TTC7B: variants seen among roughly 807,000 people sequenced by gnomAD.
TTC7B encodes tetratricopeptide repeat protein 7B.
In TTC7B, 28 loss-of-function variants were observed where a neutral mutation model predicts 106.8. That is an observed-to-expected ratio of 0.26 (90% CI 0.19 to 0.36). The LOEUF (loss-of-function observed/expected upper bound fraction) is 0.36, where lower values mean the gene tolerates loss of function less well. Ranked by LOEUF, TTC7B falls within the 10% of genes least tolerant of loss-of-function variation. The pLI is 1.00. For synonymous variants in TTC7B, 405 were observed against 430.6 expected, an observed-to-expected ratio of 0.94 and a Z score of 0.74; for missense variants, 862 against 1,076.4, an observed-to-expected ratio of 0.80 and a Z score of 2.79.
intron 5 of TTC7B, among the ~76,000 whole-genome samples, chr14:90,704,197 C>T (rs1225226151): frequency 2.0e-5 from 3 of 152,268 alleles, no homozygotes; most frequent in Non-Finnish European, 1.5e-5. Context: ...CCCCAACCAG[C>T]TGCTACGTCC....
chr14:90,672,214 C>G (rs1886660559), intron 9 of TTC7B, among the ~76,000 whole-genome samples: 1 of 152,212 alleles, frequency 6.6e-6, no homozygotes, highest in Non-Finnish European at 1.5e-5. Context: ...GTTAAGACCT[C>G]TTCTCTCTCT....
At chr14:90,771,113 G>A (rs1890849255) in intron 3 of TTC7B, among the ~76,000 whole-genome samples, 1 of 152,092 alleles carries the variant, frequency 6.6e-6, no homozygotes, top group South Asian at 2.1e-4. Context: ...GACGGATGGT[G>A]GTGACAGTTG....
rs1892395885 is a variant in TTC7B at position 90,600,852 on chromosome 14, T to C, written c.1967-7226A>G. On this transcript the variant is annotated intron_variant, in intron 17 of 19. Coordinates refer to ENST00000328459, the MANE Select transcript of TTC7B (RefSeq NM_001010854.2). The surrounding 1 kb of genome is among the most constrained non-coding windows in gnomAD (Gnocchi z 4.3). ...AGACAGTACCTTCTGGAGGACTACA[T>C]TGGGCAGATGCTTCCATCTCCACCT... is the stretch of plus-strand genomic sequence containing the variant. Among the ~76,000 whole-genome samples the C allele has an allele frequency of 6.6e-6, 1 of 152,170 alleles. No homozygotes were observed. Among genetic ancestry groups the C allele is most frequent in the Non-Finnish European group, 1.5e-5 (1 of 68,020 alleles).
rs1284696949 is a variant in TTC7B at position 90,525,454 on chromosome 14, C to G, written c.*15914G>C. On this transcript the variant is annotated 3_prime_UTR_variant, in exon 20 of 20. Coordinates refer to ENST00000328459, the MANE Select transcript of TTC7B (RefSeq NM_001010854.2). ...TGAGTCAGCGCCACTGCCGCTGCTG[C>G]GTGTCCCTTTCTGAGGCCTCGGACC... 2 of 143,646 alleles carry G rather than the reference C, an allele frequency of 1.4e-5. No homozygotes were observed. Among genetic ancestry groups the G allele is most frequent in the African/African-American group, 2.5e-5 (1 of 39,444 alleles). The allele number at this position is 143,646 out of a possible 1,614,324, so 8.9% of individuals were successfully genotyped here.
chr14:90,788,427 C>T lies in TTC7B; in HGVS notation c.122-2099G>A, dbSNP rs374598645. Among the ~76,000 whole-genome samples, 8 of 152,250 alleles carry T rather than the reference C, an allele frequency of 5.3e-5. No individual in the cohort carries two copies. The East Asian group carries it at 1.5e-3, about 29-fold the overall frequency. ...AGGCCTGAGTGTTTCTTACAGAATA[C>T]TAAATGCCCACAAGAATTAGAGCCA... On this transcript the variant is annotated intron_variant, in intron 1 of 19. Transcript: ENST00000328459.
intron 15 of TTC7B, among the ~76,000 whole-genome samples, chr14:90,643,829 C>A (rs1434263073): frequency 6.6e-6 from 1 of 152,112 alleles, no homozygotes; most frequent in African/African-American, 2.4e-5. Flanking sequence ...GTGATCCACC[C>A]ACCTCGGCCT....
At chr14:90,783,497 A>T (rs969110731) in intron 2 of TTC7B, among the ~76,000 whole-genome samples, 1 of 152,198 alleles carries the variant, frequency 6.6e-6, no homozygotes, top group African/African-American at 2.4e-5. Context: ...GCTTTGAAAG[A>T]ATTTCTCCAT....
intron 3 of TTC7B, among the ~76,000 whole-genome samples, chr14:90,779,990 A>T (rs1891155170): frequency 1.3e-5 from 2 of 152,370 alleles, no homozygotes; most frequent in African/African-American, 4.8e-5. Context: ...ATCATCAGCC[A>T]TGTGGCCAAC....
chr14:90,631,682 A>G (rs1256118316), intron 15 of TTC7B, among the ~76,000 whole-genome samples: 2 of 152,182 alleles, frequency 1.3e-5, no homozygotes, highest in Admixed American at 6.5e-5. Flanking sequence ...CTGGGATTAC[A>G]GGCATGAGCC....
intron 8 of TTC7B, among the ~76,000 whole-genome samples, chr14:90,677,262 T>C (rs1886878811): frequency 6.6e-6 from 1 of 151,948 alleles, no homozygotes; most frequent in African/African-American, 2.4e-5. Flanking sequence ...ACAACACAGA[T>C]ATATAAGAGA....
At chr14:90,792,822 G>C (rs1891633099) in intron 1 of TTC7B, among the ~76,000 whole-genome samples, 1 of 152,042 alleles carries the variant, frequency 6.6e-6, no homozygotes, top group South Asian at 2.1e-4. Flanking sequence ...GGAAAATGTG[G>C]GGAAAAGAAT....
rs374081388 is a variant in TTC7B, at chr14:90,578,359, C to T, written c.2108-51G>A. 3.2e-6 allele frequency: 5 copies of T among 1,568,142 alleles called. No homozygotes were observed. In the South Asian group the frequency reaches 4.6e-5, roughly 14 times the overall value. On this transcript the variant is annotated intron_variant, in intron 18 of 19. Transcript: ENST00000328459. This position sits in a 1 kb window ranked among gnomAD's most constrained non-coding sequence, Gnocchi z 4.7. ...GCTTTCCTGGTGCCCCTCTGAGGCC[C>T]TGCGAGCAGCCACCACTCTGATGTT...
At chr14:90,576,834 A>G (rs1462595056) in intron 19 of TTC7B, among the ~76,000 whole-genome samples, 1 of 152,254 alleles carries the variant, frequency 6.6e-6, no homozygotes, top group Admixed American at 6.5e-5. Flanking sequence ...TGGCAAGATA[A>G]TGAAGGCTTT....
At chr14:90,804,835 G>A (rs1311103349) in intron 1 of TTC7B, among the ~76,000 whole-genome samples, 1 of 152,212 alleles carries the variant, frequency 6.6e-6, no homozygotes, top group African/African-American at 2.4e-5. Context: ...AGGGAACCAG[G>A]CCTCACAGCA....
Position 90,793,823 on chromosome 14 carries a change from G to C in TTC7B, c.122-7495C>G, listed in dbSNP as rs370104772. 5.5e-4 allele frequency among the ~76,000 whole-genome samples: 83 copies of C among 151,848 alleles called. No homozygotes were observed. In the East Asian group the frequency reaches 0.013, roughly 25 times the overall value. ...GGGTTTCTCCATGTTGGTCAGGCTG[G>C]TCTCGAACTCCCAACCTCAGGTGAT... On this transcript the variant is annotated intron_variant, in intron 1 of 19. Transcript: ENST00000328459.
At chr14:90,620,512 G>T (rs941077819) in intron 15 of TTC7B, among the ~76,000 whole-genome samples, 1 of 152,200 alleles carries the variant, frequency 6.6e-6, no homozygotes, top group Non-Finnish European at 1.5e-5. Context: ...GGTCACCATT[G>T]GGTAGAGAGG....
At chr14:90,800,742 C>T (rs12879402) in intron 1 of TTC7B, among the ~76,000 whole-genome samples, 2,397 of 151,258 alleles carry the variant, frequency 0.016, 27 homozygotes, top group African/African-American at 0.026. Context: ...ACCTGGGAGG[C>T]GGAGCTTGCA....
chr14:90,636,048 G>A (rs1354820725), intron 15 of TTC7B, among the ~76,000 whole-genome samples: 5 of 151,280 alleles, frequency 3.3e-5, no homozygotes, highest in Admixed American at 2.6e-4. Context: ...TTGAACCCAG[G>A]AGGCAGAGGT....
At chr14:90,705,857 C>G (rs1185260633) in intron 5 of TTC7B, among the ~76,000 whole-genome samples, 1 of 152,170 alleles carries the variant, frequency 6.6e-6, no homozygotes, top group Admixed American at 6.5e-5. Flanking sequence ...TTTCTTACAA[C>G]TTATCTGCTA....
Sources: allele counts gnomAD v4.1 joint callset (sites outside exome capture counted in the v4.1 genomes callset), GRCh38; gene constraint gnomAD v4.1.1; non-coding constraint Gnocchi (gnomAD v3.1); transcripts MANE v1.5; gene names NCBI Gene and HGNC (gene_info 2026-07-23, HGNC 2026-07-21).